Variants in ESF1 observed in about 807,000 individuals in gnomAD.
The protein encoded by ESF1 is ESF1 nucleolar pre-rRNA processing protein.
In ESF1, 58 loss-of-function variants were observed where a neutral mutation model predicts 92.0. The ratio of observed to expected loss-of-function variants is 0.63; its 90% confidence interval spans 0.51 to 0.78. The LOEUF is 0.78. Ranked by LOEUF, ESF1 falls within the 30% of genes least tolerant of loss-of-function variation. ESF1 has a pLI of 0.00. For synonymous variants in ESF1, 321 were observed against 313.7 expected, an observed-to-expected ratio of 1.02 and a Z score of -0.24; for missense variants, 922 against 989.1, an observed-to-expected ratio of 0.93 and a Z score of 0.91.
chr20:13,767,165 A>G (rs973666471), intron 7 of ESF1, among the ~76,000 whole-genome samples: 2 of 152,222 alleles, frequency 1.3e-5, no homozygotes, highest in African/African-American at 4.8e-5. Context: ...CATCACTGAC[A>G]GTAAAAATTA....
At chr20:13,723,273 A>C (rs1321109156) in intron 11 of ESF1, among the ~76,000 whole-genome samples, 1 of 152,098 alleles carries the variant, frequency 6.6e-6, no homozygotes, top group Admixed American at 6.6e-5. Flanking sequence ...TTTTGTACCA[A>C]GTTCCTGCAT....
At chr20:13,763,647 G>A (rs1333091158) in intron 8 of ESF1, among the ~76,000 whole-genome samples, 1 of 152,154 alleles carries the variant, frequency 6.6e-6, no homozygotes, top group Non-Finnish European at 1.5e-5. Context: ...GAGGGGAAAA[G>A]ACACAGATAG....
intron 11 of ESF1, among the ~76,000 whole-genome samples, chr20:13,724,960 G>A (rs903875591): frequency 6.6e-5 from 10 of 152,118 alleles, no homozygotes; most frequent in African/African-American, 1.4e-4. Flanking sequence ...CTCCCATACC[G>A]CTGCTCTTGC....
At chr20:13,782,372 T>C in intron 2 of ESF1, 132 bp downstream of exon 2, 2 of 717,122 alleles carry the variant, frequency 2.8e-6, no homozygotes, top group Non-Finnish European at 4.1e-6. Flanking sequence ...TTTATAGCTT[T>C]GTATTTCCAG....
chr20:13,739,226 G>C (rs1418239715), intron 9 of ESF1, among the ~76,000 whole-genome samples: 2 of 151,978 alleles, frequency 1.3e-5, no homozygotes, highest in Non-Finnish European at 2.9e-5. Context: ...TATTTAACTG[G>C]GTAGAAATTG....
intron 8 of ESF1, among the ~76,000 whole-genome samples, chr20:13,762,373 G>C (rs1433554589): frequency 6.6e-6 from 1 of 152,090 alleles, no homozygotes; most frequent in Non-Finnish European, 1.5e-5. Flanking sequence ...TAATTCAATG[G>C]ATAAAACATC....
At chr20:13,719,847 TATA>T (rs1393771295) in intron 11 of ESF1, among the ~76,000 whole-genome samples, 1 of 152,172 alleles carries the variant, frequency 6.6e-6, no homozygotes, top group Non-Finnish European at 1.5e-5. Flanking sequence ...AACTTATCTT[TATA>T]ATAATAATTT....
intron 4 of ESF1, among the ~76,000 whole-genome samples, 167 bp downstream of exon 4, chr20:13,774,990 T>A (rs1040325121): frequency 2.0e-5 from 3 of 151,992 alleles, no homozygotes; most frequent in Non-Finnish European, 4.4e-5. Flanking sequence ...TTTCACCTCT[T>A]CCTTTCTAAC....
chr20:13,769,306 AAGACAGAAGAGTGTATAGGAG>A (rs1462389934), intron 7 of ESF1, among the ~76,000 whole-genome samples: 18 of 152,320 alleles, frequency 1.2e-4, no homozygotes, highest in African/African-American at 4.1e-4. Flanking sequence ...GTGTATAGGA[AAGACAGAAGAGTGTATAGGAG>A]AGACAGAAGA....
chr20:13,748,809 G>A (rs757082331), intron 9 of ESF1, among the ~76,000 whole-genome samples: 3 of 151,386 alleles, frequency 2.0e-5, no homozygotes, highest in Non-Finnish European at 2.9e-5. Context: ...GGATGGTCTC[G>A]ATCTCCTGAC....
chr20:13,782,845 G>A lies in ESF1; in HGVS notation c.296C>T (p.Thr99Ile), dbSNP rs1980271305. ...LSQKKIKKKK[T>I]QTKKEIDSKN... ...TGAATCGATTTCTTTTTTAGTCTGG[G>A]TTTTTTTCTTCTTTATTTTCTTTTG... Residue 99 changes from threonine (T) to isoleucine (I), a missense_variant, in exon 2 of 14, where the codon ACC becomes ATC. Coordinates refer to ENST00000617257, the MANE Select transcript of ESF1 (RefSeq NM_001276380.2). 7 of 1,602,370 alleles carry A rather than the reference G, an allele frequency of 4.4e-6. No homozygotes were observed. Among genetic ancestry groups the A allele is most frequent in the Non-Finnish European group, 5.9e-6 (7 of 1,177,448 alleles).
In ESF1 at chr20:13,773,448, G is replaced by T. The variant is rs1261587934; in HGVS notation, c.1150-833C>A. ...TTCTCACTATTGCCTAAAACACAGG[G>T]TTTTTAAATTGTTTCTTTGGCTTGA... On this transcript the variant is annotated intron_variant, in intron 4 of 13. Transcript: ENST00000617257. 3.3e-5 allele frequency among the ~76,000 whole-genome samples: 5 copies of T among 152,012 alleles called. No homozygotes were observed. In the South Asian group the frequency reaches 1.0e-3, roughly 32 times the overall value.
intron 9 of ESF1, among the ~76,000 whole-genome samples, chr20:13,756,232 T>G (rs1019842216): frequency 1.3e-5 from 2 of 152,250 alleles, no homozygotes; most frequent in Non-Finnish European, 2.9e-5. Flanking sequence ...TGATCTTATA[T>G]GTATAGCACA....
At chr20:13,719,832 G>GA (rs2049855350) in intron 11 of ESF1, among the ~76,000 whole-genome samples, 2 of 151,998 alleles carry the variant, frequency 1.3e-5, no homozygotes, top group Admixed American at 6.6e-5. Flanking sequence ...TCTGCAAAAT[G>GA]AAAAAACTTA....
chr20:13,755,646 A>G (rs1371334410), intron 9 of ESF1, among the ~76,000 whole-genome samples: 1 of 152,216 alleles, frequency 6.6e-6, no homozygotes, highest in Non-Finnish European at 1.5e-5. Context: ...TAAAAATTTT[A>G]TAATTCAACA....
intron 9 of ESF1, among the ~76,000 whole-genome samples, chr20:13,738,064 A>G (rs2049987054): frequency 6.6e-6 from 1 of 152,202 alleles, no homozygotes; most frequent in Admixed American, 6.5e-5. Context: ...AGGGAGAAGG[A>G]AGGACACATT....
At chr20:13,760,364 G>C (rs565061798) in intron 8 of ESF1, among the ~76,000 whole-genome samples, 4 of 150,248 alleles carry the variant, frequency 2.7e-5, no homozygotes, top group Non-Finnish European at 5.9e-5. Flanking sequence ...ATCTCTGCCC[G>C]GCCGCCCATC....
Position 13,782,813 on chromosome 20 carries a change from G to C in ESF1, c.328C>G (p.Leu110Val). The C allele has an allele frequency of 6.2e-7, 1 of 1,603,340 alleles. No homozygotes were observed. Among genetic ancestry groups the C allele is most frequent in the East Asian group, 2.2e-5 (1 of 44,798 alleles). ...TTGGTTTCTTTCTTTTTCTCAACTA[G>C]ATTTTTTGAATCGATTTCTTTTTTA... ...QTKKEIDSKN[L>V]VEKKKETKKA... Residue 110 changes from leucine (L) to valine (V), a missense_variant, in exon 2 of 14, where the codon CTA becomes GTA. Transcript: ENST00000617257.
chr20:13,783,986 TAAGA>T (rs1414506470), intron 1 of ESF1, among the ~76,000 whole-genome samples: 1 of 152,232 alleles, frequency 6.6e-6, no homozygotes, highest in Non-Finnish European at 1.5e-5. Context: ...CAGGTTTAGC[TAAGA>T]AAGTTTCCTT....
Sources: gnomAD v4.1 joint callset for allele counts (sites outside exome capture counted in the v4.1 genomes callset) on GRCh38, gnomAD v4.1.1 for gene constraint, MANE v1.5 for transcripts, NCBI Gene and HGNC (gene_info 2026-07-23, HGNC 2026-07-21) for gene names.